EPHB1: variants seen among roughly 807,000 people sequenced by gnomAD.
EPHB1 encodes the protein ephrin type-B receptor 1.
EPHB1 carries 30 observed loss-of-function variants against 94.4 expected under a neutral mutation model. The observed-to-expected ratio is 0.32, with a 90% CI of 0.24 to 0.43. The LOEUF (loss-of-function observed/expected upper bound fraction) is 0.43, where lower values mean the gene tolerates loss of function less well. Among genes scored for constraint, EPHB1 ranks in the 20% least tolerant of loss-of-function variants. EPHB1 has a pLI of 1.00. For missense variants in EPHB1, 1,055 were observed against 1,308.3 expected, an observed-to-expected ratio of 0.81 and a Z score of 2.99; for synonymous variants, 522 against 489.1, an observed-to-expected ratio of 1.07 and a Z score of -0.89.
At chr3:135,097,303 T>G (rs1938840201) in intron 3 of EPHB1, among the ~76,000 whole-genome samples, 1 of 151,228 alleles carries the variant, frequency 6.6e-6, no homozygotes, top group Non-Finnish European at 1.5e-5. Context: ...CCCTAATCAC[T>G]GACCTTGGAC....
intron 3 of EPHB1, among the ~76,000 whole-genome samples, chr3:135,024,585 G>A (rs1267633024): frequency 6.6e-6 from 1 of 152,100 alleles, no homozygotes; most frequent in South Asian, 2.1e-4. Context: ...ATCCTACACC[G>A]GGGGGTTGTC....
At chr3:134,803,827 A>G (rs934432478) in intron 1 of EPHB1, among the ~76,000 whole-genome samples, 16 of 152,176 alleles carry the variant, frequency 1.1e-4, no homozygotes, top group African/African-American at 3.6e-4. Flanking sequence ...TAAATCAGTG[A>G]GCATGTGTTA....
intron 12 of EPHB1, among the ~76,000 whole-genome samples, chr3:135,209,076 G>T (rs1233767690): frequency 6.6e-6 from 1 of 152,128 alleles, no homozygotes; most frequent in Non-Finnish European, 1.5e-5. Flanking sequence ...ATAGTAACAA[G>T]TTATAATCTA....
At chr3:134,826,732 T>C (rs1408624204) in intron 1 of EPHB1, among the ~76,000 whole-genome samples, 3 of 152,094 alleles carry the variant, frequency 2.0e-5, no homozygotes, top group Non-Finnish European at 2.9e-5. Flanking sequence ...TACAAAGTAG[T>C]TTGTAGAGCT....
chr3:135,025,223 T>TTATTTATTTATTTATTA (rs1936117730), intron 3 of EPHB1, among the ~76,000 whole-genome samples: 3 of 143,002 alleles, frequency 2.1e-5, no homozygotes, highest in Admixed American at 7.2e-5. Context: ...ATTTATTTAT[T>TTATTTATTTATTTATTA]ATTATACTTT....
At chr3:134,862,331 G>A (rs1042763311) in intron 1 of EPHB1, among the ~76,000 whole-genome samples, 4 of 151,990 alleles carry the variant, frequency 2.6e-5, no homozygotes, top group Admixed American at 6.6e-5. Flanking sequence ...AGAGGTTAGC[G>A]TACTCCATGG....
intron 12 of EPHB1, among the ~76,000 whole-genome samples, chr3:135,236,182 C>G (rs548812352): frequency 2.0e-5 from 3 of 152,254 alleles, no homozygotes; most frequent in Admixed American, 2.0e-4. Context: ...TTTGAAGGCT[C>G]TAGGGAGGAT....
At chr3:134,928,842 C>CT (rs3836290) in intron 2 of EPHB1, among the ~76,000 whole-genome samples, 50,278 of 151,724 alleles carry the variant, frequency 0.33, 8,455 homozygotes, top group Middle Eastern at 0.37. Flanking sequence ...AAAGAGTGGG[C>CT]TGGGAGCAGG....
intron 1 of EPHB1, among the ~76,000 whole-genome samples, chr3:134,871,614 A>G (rs1355055061): frequency 2.0e-5 from 3 of 152,126 alleles, no homozygotes; most frequent in Non-Finnish European, 4.4e-5. Flanking sequence ...ATTGCACTTC[A>G]TGTTCCAGGG....
chr3:135,248,505 G>A lies in EPHB1; in HGVS notation c.2686G>A (p.Ala896Thr), dbSNP rs749600936. ...ASLKTVATIT[A>T]VPSQPLLDRS... is the part of the protein sequence containing the mutation. ...TCTCAAGACTGTGGCAACCATCACCGCCGTGTGAGTCTAGTGAAACGGTGA... is the reference window on the plus strand; with the variant it reads ...TCTCAAGACTGTGGCAACCATCACCACCGTGTGAGTCTAGTGAAACGGTGA... Residue 896 changes from alanine to threonine, a missense_variant, in exon 14 of 16, where the codon GCC (alanine) becomes ACC (threonine). Physicochemically the swap from Ala to Thr is moderately conservative, Grantham distance 58. Coordinates refer to ENST00000398015, the MANE Select transcript of EPHB1 (RefSeq NM_004441.5). The A allele has an allele frequency of 1.5e-5, 24 of 1,594,472 alleles. No individual in the cohort carries two copies. The highest frequency in any genetic ancestry group is 6.7e-5 in the African/African-American group (5 of 74,620).
chr3:134,976,345 A>G (rs1934192406), intron 3 of EPHB1, among the ~76,000 whole-genome samples: 2 of 152,230 alleles, frequency 1.3e-5, no homozygotes, highest in African/African-American at 2.4e-5. Flanking sequence ...TGGCAAATGC[A>G]GGAGAACAGC....
intron 1 of EPHB1, among the ~76,000 whole-genome samples, chr3:134,835,068 G>T (rs1328435943): frequency 6.6e-6 from 1 of 152,242 alleles, no homozygotes; most frequent in Non-Finnish European, 1.5e-5. Context: ...TAATGGGTTG[G>T]CAGTCTCTCT....
chr3:135,163,682 AT>A (rs1451718702), intron 7 of EPHB1, among the ~76,000 whole-genome samples: 1 of 152,244 alleles, frequency 6.6e-6, no homozygotes, highest in Non-Finnish European at 1.5e-5. Flanking sequence ...TCTCTTGGCA[AT>A]TCTGCTAGAC....
At chr3:135,229,020 T>G (rs1501217) in intron 12 of EPHB1, among the ~76,000 whole-genome samples, 7 of 151,960 alleles carry the variant, frequency 4.6e-5, no homozygotes, top group Non-Finnish European at 8.8e-5. Flanking sequence ...CAGTGCCTGT[T>G]AAAAGAGACT....
At chr3:135,244,073 C>A (rs907852670) in intron 13 of EPHB1, among the ~76,000 whole-genome samples, 6 of 152,164 alleles carry the variant, frequency 3.9e-5, no homozygotes, top group Non-Finnish European at 8.8e-5. Context: ...ACAAGGGCAA[C>A]AGGAGGGGCT....
chr3:135,201,930 C>T lies in EPHB1; in HGVS notation c.2346+241C>T, dbSNP rs1214993344. On this transcript the variant is annotated intron_variant, in intron 12 of 15. Coordinates refer to ENST00000398015, the MANE Select transcript of EPHB1 (RefSeq NM_004441.5). ...GGAAGGGTCAGTGTCTATTATGAAG[C>T]TATAGTGTTCCTTGGGAAGAGGAAA... Among the ~76,000 whole-genome samples the T allele has an allele frequency of 4.6e-5, 7 of 152,044 alleles. No homozygotes were observed. In the East Asian group the frequency reaches 1.2e-3, roughly 25 times the overall value.
chr3:135,021,163 A>G (rs1266613168), intron 3 of EPHB1, among the ~76,000 whole-genome samples: 1 of 152,084 alleles, frequency 6.6e-6, no homozygotes, highest in Non-Finnish European at 1.5e-5. Context: ...TTGCCTATTC[A>G]TTTTACCAGA....
intron 4 of EPHB1, among the ~76,000 whole-genome samples, chr3:135,120,359 A>C (rs1224782877): frequency 2.0e-5 from 3 of 152,140 alleles, no homozygotes; most frequent in African/African-American, 7.2e-5. Flanking sequence ...ATTGTGAATA[A>C]ATAATTTTTT....
At chr3:135,166,761 T>G (rs1209101779) in intron 8 of EPHB1, among the ~76,000 whole-genome samples, 181 bp from the exon 9 acceptor site, 1 of 151,866 alleles carries the variant, frequency 6.6e-6, no homozygotes, top group Non-Finnish European at 1.5e-5. Flanking sequence ...CCCACAGGAG[T>G]GAGTGGTGGT....
Sources: allele counts gnomAD v4.1 joint callset (sites outside exome capture counted in the v4.1 genomes callset), GRCh38; gene constraint gnomAD v4.1.1; transcripts MANE v1.5; gene names NCBI Gene and HGNC (gene_info 2026-07-23, HGNC 2026-07-21).